Variants in ZNF738 observed in about 807,000 individuals in gnomAD.
The protein encoded by ZNF738 is zinc finger protein 738, also known as protein ZNF738.
In ZNF738, 10 loss-of-function variants were observed where a neutral mutation model predicts 9.2. The observed-to-expected ratio is 1.09, with a 90% CI of 0.67 to 1.85. ZNF738 has a LOEUF of 1.85. Among genes scored for constraint, ZNF738 ranks in the 40% most tolerant of loss-of-function variants. The pLI is 0.00. For missense variants in ZNF738, 346 were observed against 283.6 expected (o/e 1.22, Z -1.58); for synonymous variants, 113 against 94.5 (o/e 1.20, Z -1.14).
chr19:21,377,145 T>A (rs1431668177), intron 4 of ZNF738, among the ~76,000 whole-genome samples: 1 of 151,910 alleles, frequency 6.6e-6, no homozygotes, highest in East Asian at 1.9e-4. Context: ...CCATCTCTAC[T>A]AAAAATACAA....
chr19:21,385,632 G>C lies in ZNF738; in HGVS notation c.*1958G>C, dbSNP rs926990672. Among the ~76,000 whole-genome samples, 2 of 152,044 alleles carry C rather than the reference G, an allele frequency of 1.3e-5. No individual in the cohort carries two copies. The highest frequency in any genetic ancestry group is 2.9e-5 in the Non-Finnish European group (2 of 68,030). ...AAGAATGTGAGAAAGCTTTTAACTG[G>C]TACTCATGCCTTACTGCACATAAGA... On this transcript the variant is annotated 3_prime_UTR_variant, in exon 5 of 5. Coordinates refer to ENST00000683779, the MANE Select transcript of ZNF738 (RefSeq NM_001355237.2).
rs1194450946 is a variant in ZNF738 at position 21,369,301 on chromosome 19, C to T, written c.97-5937C>T. ...TCTTTTTTTATTTTTTGTAGAGATA[C>T]GGCTTTGCCATGTTGCCCAGGCTGG... is the stretch of plus-strand genomic sequence containing the variant. On this transcript the variant is annotated intron_variant, in intron 2 of 4. Transcript: ENST00000683779. Among the ~76,000 whole-genome samples, 6 of 151,682 alleles carry T rather than the reference C, an allele frequency of 4.0e-5. No individual in the cohort carries two copies. The East Asian group carries it at 1.2e-3, about 30-fold the overall frequency.
At chr19:21,378,821 T>C (rs1307862996) in intron 4 of ZNF738, 2 of 168,788 alleles carry the variant, frequency 1.2e-5, no homozygotes, top group East Asian at 1.9e-4. Context: ...CTAGTCTCGA[T>C]CTCCTGACCT....
intron 4 of ZNF738, chr19:21,377,392 G>A (rs1973942924): frequency 1.4e-6 from 1 of 702,470 alleles, no homozygotes; most frequent in South Asian, 1.5e-5. Flanking sequence ...ATTACAGAAA[G>A]TGGGGTATTG....
chr19:21,383,667 G>T lies in ZNF738; in HGVS notation c.1121G>T (p.Cys374Phe). 1 of 978,144 alleles carries T rather than the reference G, an allele frequency of 1.0e-6. No homozygotes were observed. The highest frequency in any genetic ancestry group is 1.6e-6 in the Non-Finnish European group (1 of 616,402). 60.6% of individuals were successfully genotyped at this position (978,144 alleles called of 1,614,324 possible). A position where few individuals can be genotyped will look rare whatever the true frequency, so the allele number is the denominator to read the frequency against. The change falls in exon 5 of 5, where the codon TGT becomes TTT. Residue 374 changes from cysteine (C) to phenylalanine (F), a missense_variant. Cys to Phe is a radical substitution (Grantham distance 205, BLOSUM62 -2). Transcript: ENST00000683779. ...IIHTGEKPYK[C>F]E Reference sequence around the variant, plus strand: ...CATACTGGAGAGAAACCCTACAAATGTGAATAATGTGGCAAAGCCTTTAAT... The same window carrying T: ...CATACTGGAGAGAAACCCTACAAATTTGAATAATGTGGCAAAGCCTTTAAT...
At chr19:21,377,901 A>G in intron 4 of ZNF738, 1 of 385,534 alleles carries the variant, frequency 2.6e-6, no homozygotes, top group East Asian at 3.6e-5. Context: ...GTTCTATTTG[A>G]TTCTTGCATC....
chr19:21,376,180 G>A, intron 4 of ZNF738: 1 of 366,776 alleles, frequency 2.7e-6, no homozygotes. Context: ...ATTCTCTAAG[G>A]ATTCTACTTT....
chr19:21,368,639 G>A (rs1054200728), intron 2 of ZNF738, among the ~76,000 whole-genome samples: 15 of 151,732 alleles, frequency 9.9e-5, no homozygotes, highest in Non-Finnish European at 1.8e-4. Flanking sequence ...TGTATTTTTA[G>A]TAGAGATGGG....
intron 4 of ZNF738, chr19:21,381,555 G>A (rs1377130208): frequency 1.8e-5 from 12 of 679,524 alleles, no homozygotes; most frequent in African/African-American, 3.6e-5. Context: ...GTGCAGTGGC[G>A]TGATCTCAGC....
At position 21,385,371 on chromosome 19, in the gene ZNF738, G is replaced by A. The variant is rs1400851586; in HGVS notation, c.*1697G>A. Reference sequence around the variant, plus strand: ...CTCTGGAGGCCTAGGTGGGAGAATCGCTTGAACCCAGGAGGTGGAGGTTGC... The same window carrying A: ...CTCTGGAGGCCTAGGTGGGAGAATCACTTGAACCCAGGAGGTGGAGGTTGC... On this transcript the variant is annotated 3_prime_UTR_variant, in exon 5 of 5. Coordinates refer to ENST00000683779, the MANE Select transcript of ZNF738 (RefSeq NM_001355237.2). Among the ~76,000 whole-genome samples, 4 of 152,008 alleles carry A rather than the reference G, an allele frequency of 2.6e-5. No homozygotes were observed. Among genetic ancestry groups the A allele is most frequent in the Middle Eastern group, 3.2e-3 (1 of 316 alleles).
At position 21,383,758 on chromosome 19, in the gene ZNF738, A is replaced by G. The variant is rs578117152; in HGVS notation, c.*84A>G. The stretch of plus-strand genomic sequence containing the variant: ...AAGAGAAACCCTACAAATGTGAGGA[A>G]TGTGGCAAAGCTTTTAAACAGTCCT... On this transcript the variant is annotated 3_prime_UTR_variant, in exon 5 of 5. Transcript: ENST00000683779. The G allele has an allele frequency of 3.6e-6, 4 of 1,126,202 alleles. No homozygotes were observed. In the East Asian group the frequency reaches 9.7e-5, roughly 27 times the overall value. The allele number at this position is 1,126,202 out of a possible 1,614,324, so 69.8% of individuals were successfully genotyped here.
chr19:21,379,491 C>A (rs1403342713), intron 4 of ZNF738, among the ~76,000 whole-genome samples: 1 of 152,160 alleles, frequency 6.6e-6, no homozygotes, highest in South Asian at 2.1e-4. Context: ...AGTAATCACT[C>A]ACTGCACCTG....
Position 21,384,056 on chromosome 19 carries a change from A to AATTC in ZNF738, c.*384_*387dup, listed in dbSNP as rs1974038343. ...TCATTTACCTTACTACACATAAGAG[A>AATTC]ATTCACACTGGAGAGAAACCCTACA... On this transcript the variant is annotated 3_prime_UTR_variant, in exon 5 of 5. Coordinates refer to ENST00000683779, the MANE Select transcript of ZNF738 (RefSeq NM_001355237.2). 1.3e-6 allele frequency: 2 copies of AATTC among 1,561,914 alleles called. No individual in the cohort carries two copies. Among genetic ancestry groups the AATTC allele is most frequent in the Non-Finnish European group, 1.8e-6 (2 of 1,136,950 alleles).
Position 21,359,055 on chromosome 19 carries a change from C to G in ZNF738, c.-86C>G, listed in dbSNP as rs1390560719. 2.3e-6 allele frequency: 2 copies of G among 855,618 alleles called. No homozygotes were observed. Among genetic ancestry groups the G allele is most frequent in the East Asian group, 5.0e-5 (2 of 40,348 alleles). 53.0% of individuals were successfully genotyped at this position (855,618 alleles called of 1,614,324 possible). A position where few individuals can be genotyped will look rare whatever the true frequency, so the allele number is the denominator to read the frequency against. ...CGTCTTCACTGCTCTGTGTCCTCTG[C>G]TCCTAGAGGCCCAGCCTCTGGTCCT... is the stretch of plus-strand genomic sequence containing the variant. On this transcript the variant is annotated 5_prime_UTR_variant, in exon 1 of 5. Transcript: ENST00000683779.
chr19:21,365,141 C>T lies in ZNF738; in HGVS notation c.96+3283C>T, dbSNP rs572551006. Among the ~76,000 whole-genome samples the T allele has an allele frequency of 1.9e-4, 29 of 152,092 alleles. No homozygotes were observed. The South Asian group carries it at 5.8e-3, about 31-fold the overall frequency. On this transcript the variant is annotated intron_variant, in intron 2 of 4. Coordinates refer to ENST00000683779, the MANE Select transcript of ZNF738 (RefSeq NM_001355237.2). ...ATATAGGGTAACTTCCTGATGTTTC[C>T]ATGGCATTTGTAAACTGTCATGGCA...
intron 1 of ZNF738, among the ~76,000 whole-genome samples, chr19:21,359,894 T>G (rs935020444): frequency 2.6e-5 from 4 of 152,058 alleles, no homozygotes; most frequent in Admixed American, 6.6e-5. Context: ...AAAATTAACT[T>G]ATTAAATAAT....
intron 4 of ZNF738, among the ~76,000 whole-genome samples, chr19:21,379,941 T>C (rs186594039): frequency 1.0e-3 from 154 of 152,320 alleles, no homozygotes; most frequent in Non-Finnish European, 1.8e-3. Context: ...AAAGCATATG[T>C]GTCATCTCAT....
chr19:21,381,638 C>T (rs1472497993), intron 4 of ZNF738, among the ~76,000 whole-genome samples: 2 of 152,048 alleles, frequency 1.3e-5, no homozygotes, highest in South Asian at 2.1e-4. Flanking sequence ...GGACTACAGG[C>T]ACCTGCCACC....
Position 21,387,867 on chromosome 19 carries a change from G to C in ZNF738, c.*4193G>C, listed in dbSNP as rs1402800599. ...ACTCTGAAGCAGTTGCTCAAGCTTT[G>C]TTCAACATTAGGGCACTTATATTGG... On this transcript the variant is annotated 3_prime_UTR_variant, in exon 5 of 5. Coordinates refer to ENST00000683779, the MANE Select transcript of ZNF738 (RefSeq NM_001355237.2). Among the ~76,000 whole-genome samples, 2 of 152,108 alleles carry C rather than the reference G, an allele frequency of 1.3e-5. No homozygotes were observed. The highest frequency in any genetic ancestry group is 2.4e-5 in the African/African-American group (1 of 41,434).
Sources: gnomAD v4.1 joint callset for allele counts (sites outside exome capture counted in the v4.1 genomes callset) on GRCh38, gnomAD v4.1.1 for gene constraint, MANE v1.5 for transcripts, NCBI Gene and HGNC (gene_info 2026-07-23, HGNC 2026-07-21) for gene names.